FRY: variants seen among roughly 807,000 people sequenced by gnomAD.
FRY encodes FRY microtubule binding protein, also known as protein furry homolog.
A neutral mutation model predicts 348.4 loss-of-function variants in FRY; 128 were observed. The ratio of observed to expected loss-of-function variants is 0.37; its 90% CI spans 0.32 to 0.43. FRY has a LOEUF of 0.43. Among genes scored for constraint, FRY ranks in the 20% least tolerant of loss-of-function variants. The pLI is 1.00. For synonymous variants in FRY, 1,370 were observed against 1,374.7 expected (o/e 1.00, Z 0.08); for missense variants, 2,736 against 3,695.2 (o/e 0.74, Z 6.73).
Position 32,266,379 on chromosome 13 carries a change from G to A in FRY, c.7946+763G>A, listed in dbSNP as rs193194838. Among the ~76,000 whole-genome samples, 10 of 152,172 alleles carry A rather than the reference G, an allele frequency of 6.6e-5. No individual in the cohort carries two copies. The East Asian group carries it at 1.2e-3, about 18-fold the overall frequency. ...TGCCTCTCTGTCTCACTTTCCCTGC[G>A]TATCTCTGGTTTCCTTGTCTCCCTC... On this transcript the variant is annotated intron_variant, in intron 54 of 60. Coordinates refer to ENST00000542859, the MANE Select transcript of FRY (RefSeq NM_023037.3).
intron 3 of FRY, among the ~76,000 whole-genome samples, chr13:32,109,843 G>C (rs1877840114): frequency 6.6e-6 from 1 of 152,160 alleles, no homozygotes. Context: ...CACTGATAGA[G>C]ACTAGAGCAC....
At chr13:32,142,974 G>A (rs1238608588) in intron 11 of FRY, among the ~76,000 whole-genome samples, 2 of 152,178 alleles carry the variant, frequency 1.3e-5, no homozygotes, top group Non-Finnish European at 2.9e-5. Context: ...GCAGGGGAAT[G>A]TAGTAAGAGG....
In FRY at chr13:32,186,354, C is replaced by T; in HGVS notation, c.3414C>T (p.Phe1138=). 1 of 1,608,754 alleles carries T rather than the reference C, an allele frequency of 6.2e-7. No individual in the cohort carries two copies. The highest frequency in any genetic ancestry group is 8.5e-7 in the Non-Finnish European group (1 of 1,175,122). ...GGGCAGGACCCTTCAGCATTATGTT[C>T]ACTCCTCTGGATCGTTACAGTGACA... ...SQWAGPFSIM[F]TPLDRYSDRN... is the part of the protein sequence containing the mutation. Residue 1138 remains phenylalanine, a synonymous_variant, in exon 27 of 61, where the codon TTC becomes TTT. Transcript: ENST00000542859.
At position 32,131,696 on chromosome 13, in the gene FRY, T is replaced by A; in HGVS notation, c.741T>A (p.Phe247Leu). Residue 247 changes from phenylalanine (F) to leucine (L), a missense_variant, in exon 8 of 61, where the codon TTT becomes TTA. Phe to Leu is a conservative substitution (Grantham distance 22, BLOSUM62 0). Around this residue, in one of 9 missense-constraint regions of FRY, gnomAD observed 309 missense variants for 418.1 expected, o/e 0.74. Transcript: ENST00000542859. ...QAKFPAVKKK[F>L]MAELKELRHK... ...GATTCCCTGCTGTAAAGAAGAAATT[T>A]ATGGCGGAGCTAAAAGAATTACGGC... 4 of 1,613,862 alleles carry A rather than the reference T, an allele frequency of 2.5e-6. No homozygotes were observed. Among genetic ancestry groups the A allele is most frequent in the Non-Finnish European group, 3.4e-6 (4 of 1,179,876 alleles).
intron 55 of FRY, among the ~76,000 whole-genome samples, chr13:32,273,465 A>G (rs935826851): frequency 2.7e-5 from 4 of 148,906 alleles, no homozygotes; most frequent in Admixed American, 6.6e-5. Flanking sequence ...CTCGTGATCC[A>G]CCCGCCTCGG....
At chr13:32,157,514 A>T in intron 16 of FRY, 109 bp downstream of exon 16, 2 of 1,015,320 alleles carry the variant, frequency 2.0e-6, no homozygotes, top group Non-Finnish European at 2.9e-6. Flanking sequence ...GGGTTCTAAA[A>T]AGTAGTAAAG....
chr13:32,071,538 G>T (rs917287674), intron 1 of FRY, among the ~76,000 whole-genome samples: 1 of 152,176 alleles, frequency 6.6e-6, no homozygotes, highest in Admixed American at 6.5e-5. Context: ...ATATAGGAAT[G>T]CTTGTGATTT....
intron 58 of FRY, among the ~76,000 whole-genome samples, chr13:32,288,273 TAA>T (rs1269275911): frequency 2.6e-5 from 4 of 152,216 alleles, no homozygotes; most frequent in Admixed American, 1.3e-4. Context: ...AAGGTTTCTC[TAA>T]AGAGAAGCTT....
chr13:32,239,337 A>G lies in FRY; in HGVS notation c.6504A>G (p.Glu2168=). 1 of 1,598,722 alleles carries G rather than the reference A, an allele frequency of 6.3e-7. No individual in the cohort carries two copies. Among genetic ancestry groups the G allele is most frequent in the Non-Finnish European group, 8.6e-7 (1 of 1,165,970 alleles). ...ATCAGTTCTGTAAGGATATAGCCGA[A>G]AGGATTGCTCAGGTATGAGTTACAG... The part of the protein sequence containing the change: ...NPNQFCKDIA[E]RIAQVCLEEK... Residue 2168 remains glutamate (E), a synonymous_variant, in exon 45 of 61, where the codon GAA becomes GAG. Coordinates refer to ENST00000542859, the MANE Select transcript of FRY (RefSeq NM_023037.3). This position sits in a 1 kb window ranked among gnomAD's most constrained non-coding sequence, Gnocchi z 4.3.
At chr13:32,190,636 G>A (rs1313050586) in intron 28 of FRY, among the ~76,000 whole-genome samples, 5 of 152,006 alleles carry the variant, frequency 3.3e-5, no homozygotes, top group Admixed American at 2.6e-4. Context: ...AATGTGCAAG[G>A]CCTCATACAT....
intron 53 of FRY, among the ~76,000 whole-genome samples, chr13:32,262,735 G>A (rs1181644626): frequency 6.6e-6 from 1 of 152,190 alleles, no homozygotes; most frequent in Non-Finnish European, 1.5e-5. Flanking sequence ...CATTTTGCAT[G>A]AACACTGCTG....
intron 50 of FRY, among the ~76,000 whole-genome samples, chr13:32,253,128 A>C (rs780118487): frequency 6.6e-6 from 1 of 152,206 alleles, no homozygotes; most frequent in Non-Finnish European, 1.5e-5. Flanking sequence ...GAGAAGCAGC[A>C]CTAACTAGGA....
chr13:32,275,545 G>A lies in FRY; in HGVS notation c.8286+554G>A, dbSNP rs146965733. Among the ~76,000 whole-genome samples the A allele has an allele frequency of 8.9e-4, 136 of 152,294 alleles. 1 individual carries two copies. The highest frequency in any genetic ancestry group is 1.3e-3 in the Non-Finnish European group (89 of 68,014). On this transcript the variant is annotated intron_variant, in intron 56 of 60. Coordinates refer to ENST00000542859, the MANE Select transcript of FRY (RefSeq NM_023037.3). The stretch of plus-strand genomic sequence containing the variant: ...GAGAAAAATCCACCACCTCTGCTCC[G>A]TCTGCATCGTTGGCACTGATCTCTG...
intron 15 of FRY, among the ~76,000 whole-genome samples, chr13:32,156,404 C>T (rs770460299): frequency 2.0e-5 from 3 of 152,120 alleles, no homozygotes; most frequent in Non-Finnish European, 4.4e-5. Context: ...GAGTTCGAGA[C>T]CAACCTGACC....
Position 32,269,489 on chromosome 13 carries a change from G to A in FRY, c.8136+2130G>A, listed in dbSNP as rs901058609. Among the ~76,000 whole-genome samples, 4 of 152,188 alleles carry A rather than the reference G, an allele frequency of 2.6e-5. No individual in the cohort carries two copies. The South Asian group carries it at 6.2e-4, about 24-fold the overall frequency. On this transcript the variant is annotated intron_variant, in intron 55 of 60. Transcript: ENST00000542859. ...GAGGACCACCTGAGGTCAGAAATTC[G>A]AGACCAGCCTGGCCAACATGGTGAA...
chr13:32,117,319 C>T lies in FRY; in HGVS notation c.325-15C>T. On this transcript the variant is annotated splice_polypyrimidine_tract_variant and intron_variant, in intron 3 of 60. Transcript: ENST00000542859. ...GTGCTACCAGTGTTCTAATCACCTG[C>T]ATTTTCCTCCATAGGTCATCAGCTC... is the stretch of plus-strand genomic sequence containing the variant. 5 of 1,613,202 alleles carry T rather than the reference C, an allele frequency of 3.1e-6. No individual in the cohort carries two copies. The highest frequency in any genetic ancestry group is 4.2e-6 in the Non-Finnish European group (5 of 1,179,288).
chr13:32,046,874 C>T (rs1407113555), intron 1 of FRY, among the ~76,000 whole-genome samples: 1 of 152,174 alleles, frequency 6.6e-6, no homozygotes, highest in African/African-American at 2.4e-5. Context: ...TATGTAGGCT[C>T]ATTTGATTTA....
chr13:32,247,533 C>A (rs377358158), intron 48 of FRY, 31 bp downstream of exon 48: 12 of 1,531,886 alleles, frequency 7.8e-6, no homozygotes, highest in Non-Finnish European at 1.0e-5. Context: ...TTTCTGTGAA[C>A]TTTAGCATGA....
intron 7 of FRY, among the ~76,000 whole-genome samples, chr13:32,130,722 G>C (rs1879304537): frequency 6.6e-6 from 1 of 151,816 alleles, no homozygotes; most frequent in Non-Finnish European, 1.5e-5. Flanking sequence ...TGTTTGTTTT[G>C]CACTTATCAG....
Sources: allele counts gnomAD v4.1 joint callset (sites outside exome capture counted in the v4.1 genomes callset), GRCh38; gene constraint gnomAD v4.1.1; regional missense constraint gnomAD v4.1.1; non-coding constraint Gnocchi (gnomAD v3.1); transcripts MANE v1.5; gene names NCBI Gene and HGNC (gene_info 2026-07-23, HGNC 2026-07-21).